The following GLI2 variants were observed in gnomAD, a reference collection of about 807,000 sequenced individuals.
The protein encoded by GLI2 is GLI family zinc finger 2.
GLI2 carries 22 observed loss-of-function variants against 78.9 expected under a neutral mutation model. The observed-to-expected ratio is 0.28, with a 90% CI of 0.20 to 0.40. GLI2 has a LOEUF of 0.40. GLI2 is among the 10% of genes least tolerant of loss of function. The pLI is 1.00. For missense variants in GLI2, 2,097 were observed against 2,213.2 expected, an observed-to-expected ratio of 0.95 and a Z score of 1.05; for synonymous variants, 974 against 963.7, an observed-to-expected ratio of 1.01 and a Z score of -0.20.
At position 120,797,398 on chromosome 2, in the gene GLI2, C is replaced by T. The variant is rs373668718; in HGVS notation, c.78C>T (p.Pro26=). Residue 26 remains proline (P), a synonymous_variant, in exon 2 of 14, where the codon CCC becomes CCT. Coordinates refer to ENST00000361492, the MANE Select transcript of GLI2 (RefSeq NM_001374353.1). ...GGATCCTGGAGGCCGCTGGCTTCCCCGACCCGGGTAAAAAGGCCTCTCCTT... is the reference window on the plus strand; with the variant it reads ...GGATCCTGGAGGCCGCTGGCTTCCCTGACCCGGGTAAAAAGGCCTCTCCTT... The part of the protein sequence containing the change: ...KSGILEAAGF[P]DPGKKASPLV... 9.0e-5 allele frequency: 146 copies of T among 1,613,894 alleles called. No individual in the cohort carries two copies. The highest frequency in any genetic ancestry group is 2.0e-4 in the East Asian group (9 of 44,864).
intron 3 of GLI2, among the ~76,000 whole-genome samples, chr2:120,947,541 C>T (rs976380866): frequency 5.3e-5 from 8 of 152,160 alleles, no homozygotes; most frequent in Non-Finnish European, 1.0e-4. Flanking sequence ...TTGATGGCTA[C>T]GATGGCCAGT....
chr2:120,988,437 G>A lies in GLI2; in HGVS notation c.2472G>A (p.Leu824=). 1 of 1,574,358 alleles carries A rather than the reference G, an allele frequency of 6.4e-7. No individual in the cohort carries two copies. Among genetic ancestry groups the A allele is most frequent in the Non-Finnish European group, 8.5e-7 (1 of 1,169,942 alleles). Residue 824 remains leucine, a synonymous_variant, in exon 14 of 14, where the codon CTG becomes CTA. Transcript: ENST00000361492. The part of the protein sequence containing the change: ...SSRRSSEASP[L]GAGRPHNASS... ...GCCGCTCCAGCGAGGCCTCGCCCCT[G>A]GGCGCCGGCCGCCCGCACAACGCGA...
At chr2:120,955,126 C>G (rs1307808297) in intron 4 of GLI2, 119 bp from the exon 5 acceptor site, 1 of 729,976 alleles carries the variant, frequency 1.4e-6, no homozygotes, top group Non-Finnish European at 2.4e-6. Flanking sequence ...AGAGAAACCC[C>G]GACACCAGGT....
chr2:120,804,485 C>A (rs1033891412), intron 2 of GLI2, among the ~76,000 whole-genome samples: 2 of 152,208 alleles, frequency 1.3e-5, no homozygotes, highest in African/African-American at 2.4e-5. Context: ...TGGTCTTTGG[C>A]CCCCCTGCCA....
chr2:120,959,089 C>T (rs943483688), intron 5 of GLI2, among the ~76,000 whole-genome samples: 2 of 152,182 alleles, frequency 1.3e-5, no homozygotes, highest in Non-Finnish European at 2.9e-5. Flanking sequence ...ACTTTGCCTT[C>T]CGGGCACTCA....
chr2:120,764,650 G>C (rs973877984), intron 1 of GLI2, among the ~76,000 whole-genome samples: 17 of 152,340 alleles, frequency 1.1e-4, no homozygotes, highest in African/African-American at 4.1e-4. Flanking sequence ...GCAGGCTGCT[G>C]CAGGTAGAAA....
rs147710574 is a variant in GLI2, at chr2:120,832,812, G to GT, written c.148+35346dup. On this transcript the variant is annotated intron_variant, in intron 2 of 13. Transcript: ENST00000361492. ...GAGTCTTCAAGAGGACGGGTGGGCT[G>GT]TTAGGTGGCAGCAGACCGGGGAAGG... Among the ~76,000 whole-genome samples the GT allele has an allele frequency of 8.0e-3, 1,219 of 152,256 alleles. 4 individuals are homozygous for GT. The highest frequency in any genetic ancestry group is 0.012 in the Non-Finnish European group (844 of 68,022).
chr2:120,810,755 G>T (rs1228646558), intron 2 of GLI2, among the ~76,000 whole-genome samples: 1 of 152,234 alleles, frequency 6.6e-6, no homozygotes, highest in East Asian at 1.9e-4. Flanking sequence ...TGGCGTTCTG[G>T]TCCTCCGTAA....
rs146638628 is a variant in GLI2 at position 120,894,341 on chromosome 2, G to A, written c.149-33020G>A. Among the ~76,000 whole-genome samples, 442 of 151,916 alleles carry A rather than the reference G, an allele frequency of 2.9e-3. 1 individual carries two copies. Among genetic ancestry groups the A allele is most frequent in the African/African-American group, 0.01 (424 of 41,174 alleles). ...TAGAAAGGATAGCTGCCTGGGGCCC[G>A]CGTAGCTGATAGCTGCCTGGGACCG... On this transcript the variant is annotated intron_variant, in intron 2 of 13. Coordinates refer to ENST00000361492, the MANE Select transcript of GLI2 (RefSeq NM_001374353.1).
intron 1 of GLI2, among the ~76,000 whole-genome samples, chr2:120,744,581 T>G (rs1357983115): frequency 6.6e-6 from 1 of 152,244 alleles, no homozygotes; most frequent in Non-Finnish European, 1.5e-5. Flanking sequence ...TTACCCTTCC[T>G]GCTGTTCAGT....
chr2:120,976,519 A>G (rs1206941799), intron 9 of GLI2, among the ~76,000 whole-genome samples: 1 of 152,152 alleles, frequency 6.6e-6, no homozygotes, highest in African/African-American at 2.4e-5. Context: ...TGGAGCAGGG[A>G]CCGTGGAGCT....
At chr2:120,840,465 A>T (rs1186690730) in intron 2 of GLI2, among the ~76,000 whole-genome samples, 2 of 152,172 alleles carry the variant, frequency 1.3e-5, no homozygotes, top group African/African-American at 4.8e-5. Flanking sequence ...GATTTATTTG[A>T]AGGAAACCTG....
In GLI2 at chr2:120,986,450, C is replaced by G. The variant is rs996301662; in HGVS notation, c.2078C>G (p.Ala693Gly). 9.3e-6 allele frequency: 15 copies of G among 1,613,850 alleles called. No homozygotes were observed. The highest frequency in any genetic ancestry group is 1.3e-5 in the Non-Finnish European group (15 of 1,180,028). The change falls in exon 13 of 14, where the codon GCT (alanine) becomes GGT (glycine). Residue 693 changes from alanine to glycine, a missense_variant. By Grantham distance (60) the Ala-to-Gly change is moderately conservative. Coordinates refer to ENST00000361492, the MANE Select transcript of GLI2 (RefSeq NM_001374353.1). Reference sequence around the variant, plus strand: ...CCAGGGGCCGACACCTCAGCCCTGGCTGCCCCCTCCGCTGGTGGCCTCCAG... The same window carrying G: ...CCAGGGGCCGACACCTCAGCCCTGGGTGCCCCCTCCGCTGGTGGCCTCCAG... ...TPPGADTSALAAPSAGGLQLR... is the reference protein window; with the variant it reads ...TPPGADTSALGAPSAGGLQLR...
intron 2 of GLI2, among the ~76,000 whole-genome samples, chr2:120,845,502 G>T (rs774733703): frequency 2.0e-4 from 30 of 152,346 alleles, no homozygotes; most frequent in Non-Finnish European, 3.1e-4. Context: ...TGCTGCAGCT[G>T]CCAGTTGGCT....
rs140319091 is a variant in GLI2, at chr2:120,833,144, A to G, written c.148+35676A>G. Among the ~76,000 whole-genome samples, 1,111 of 150,852 alleles carry G rather than the reference A, an allele frequency of 7.4e-3. 8 individuals are homozygous for G. Among genetic ancestry groups the G allele is most frequent in the Middle Eastern group, 0.034 (10 of 294 alleles). ...TCGCCTTTGCCTTTCTCTCCTGTCC[A>G]CCCTCCTGCATTTCCTTTCCCTGTC... On this transcript the variant is annotated intron_variant, in intron 2 of 13. Transcript: ENST00000361492.
intron 1 of GLI2, among the ~76,000 whole-genome samples, chr2:120,788,211 A>G (rs1684051076): frequency 6.6e-6 from 1 of 152,166 alleles, no homozygotes; most frequent in Non-Finnish European, 1.5e-5. Context: ...CAGAGTCTGC[A>G]CTCACTGGCC....
chr2:120,781,227 C>A lies in GLI2; in HGVS notation c.-30-16064C>A, dbSNP rs572226358. Among the ~76,000 whole-genome samples the A allele has an allele frequency of 1.7e-3, 259 of 152,254 alleles. 1 individual carries two copies. The highest frequency in any genetic ancestry group is 5.7e-3 in the African/African-American group (238 of 41,548). ...CACCCTCACTGCCCAGCACTGAGGG[C>A]CAGTCCTTTGAGTGCGGGGGGATGA... On this transcript the variant is annotated intron_variant, in intron 1 of 13. Transcript: ENST00000361492.
intron 10 of GLI2, among the ~76,000 whole-genome samples, chr2:120,981,220 A>G (rs1682705413): frequency 2.0e-5 from 3 of 152,186 alleles, no homozygotes; most frequent in African/African-American, 7.2e-5. Flanking sequence ...TAGGGATCCA[A>G]ACTTACTCTT....
chr2:120,753,640 T>C (rs1573343502), intron 1 of GLI2, among the ~76,000 whole-genome samples: 2 of 152,196 alleles, frequency 1.3e-5, no homozygotes, highest in East Asian at 3.9e-4. Context: ...GGCTCAAGCC[T>C]GTAATCCCAG....
Sources: gnomAD v4.1 joint callset for allele counts (sites outside exome capture counted in the v4.1 genomes callset) on GRCh38, gnomAD v4.1.1 for gene constraint, MANE v1.5 for transcripts, NCBI Gene and HGNC (gene_info 2026-07-23, HGNC 2026-07-21) for gene names.